The following XIRP2 variants were observed in gnomAD, a reference collection of about 807,000 sequenced individuals.
The protein encoded by XIRP2 is xin actin binding repeat containing 2.
XIRP2 carries 236 observed loss-of-function variants against 277.0 expected under a neutral mutation model. The ratio of observed to expected loss-of-function variants is 0.85; its 90% confidence interval spans 0.77 to 0.95. XIRP2 has a LOEUF of 0.95. Among genes scored for constraint, XIRP2 ranks in the 40% least tolerant of loss-of-function variants. XIRP2 has a pLI of 0.00. For synonymous variants in XIRP2, 1,490 were observed against 1,416.5 expected (o/e 1.05, Z -1.17); for missense variants, 4,640 against 4,157.5 (o/e 1.12, Z -3.19).
At chr2:166,928,087 C>T (rs960699653) in intron 2 of XIRP2, among the ~76,000 whole-genome samples, 1 of 152,046 alleles carries the variant, frequency 6.6e-6, no homozygotes, top group African/African-American at 2.4e-5. Flanking sequence ...CAAAGAGTTC[C>T]GTCATTTTAC....
intron 2 of XIRP2, among the ~76,000 whole-genome samples, chr2:166,994,989 A>G (rs1318242633): frequency 1.3e-5 from 2 of 151,456 alleles, no homozygotes; most frequent in Non-Finnish European, 2.9e-5. Context: ...TCAAGTGATT[A>G]TCCTGCCTCA....
chr2:167,127,077 G>C (rs1394844550), intron 2 of XIRP2, among the ~76,000 whole-genome samples: 1 of 152,038 alleles, frequency 6.6e-6, no homozygotes, highest in Non-Finnish European at 1.5e-5. Context: ...TTTTACCTAG[G>C]CTACCTCCTA....
chr2:167,216,750 A>G (rs1694255480), intron 4 of XIRP2, among the ~76,000 whole-genome samples: 1 of 82,598 alleles, frequency 1.2e-5, no homozygotes, highest in Non-Finnish European at 2.0e-5. Context: ...CTAGAACTAG[A>G]AATACCATTT....
chr2:167,100,938 C>A (rs552606662), intron 2 of XIRP2, among the ~76,000 whole-genome samples: 1 of 151,974 alleles, frequency 6.6e-6, no homozygotes. Context: ...TCTTTTTGTC[C>A]GACTTTCTTT....
At chr2:167,087,330 C>A (rs1406686295) in intron 2 of XIRP2, among the ~76,000 whole-genome samples, 4 of 152,158 alleles carry the variant, frequency 2.6e-5, no homozygotes, top group African/African-American at 7.2e-5. Context: ...GCTGGGAGAA[C>A]CACTGCTCTC....
intron 2 of XIRP2, among the ~76,000 whole-genome samples, chr2:166,924,656 T>A (rs775161262): frequency 7.9e-5 from 12 of 152,046 alleles, no homozygotes; most frequent in Non-Finnish European, 1.3e-4. Context: ...TAAGTACTTC[T>A]GCCTCCTAGA....
At chr2:167,257,236 G>C (rs1695681524) in intron 10 of XIRP2, among the ~76,000 whole-genome samples, 2 of 151,856 alleles carry the variant, frequency 1.3e-5, no homozygotes, top group Admixed American at 1.3e-4. Flanking sequence ...TTTGTATTTT[G>C]ATGTTGAGGG....
intron 2 of XIRP2, among the ~76,000 whole-genome samples, chr2:166,987,260 C>T (rs1687031377): frequency 1.3e-5 from 2 of 152,122 alleles, no homozygotes. Flanking sequence ...AGCATGAAGA[C>T]ATTGCCTACA....
chr2:167,216,144 A>G (rs1694241841), intron 4 of XIRP2, among the ~76,000 whole-genome samples: 1 of 117,276 alleles, frequency 8.5e-6, no homozygotes, highest in Admixed American at 9.6e-5. Context: ...AGATGGATTA[A>G]AGATTTAAAC....
chr2:166,917,348 C>G (rs113577599), intron 2 of XIRP2, among the ~76,000 whole-genome samples: 1 of 152,048 alleles, frequency 6.6e-6, no homozygotes, highest in African/African-American at 2.4e-5. Flanking sequence ...TCAAGAATAC[C>G]GCGAGGATGG....
chr2:167,056,074 A>G (rs1301859048), intron 2 of XIRP2, among the ~76,000 whole-genome samples: 2 of 152,162 alleles, frequency 1.3e-5, no homozygotes, highest in African/African-American at 4.8e-5. Context: ...TTTGTTAAAG[A>G]TATATACAAT....
At chr2:167,022,442 AT>A (rs955254292) in intron 2 of XIRP2, among the ~76,000 whole-genome samples, 13 of 152,002 alleles carry the variant, frequency 8.6e-5, no homozygotes, top group East Asian at 5.8e-4. Flanking sequence ...TTATGTATTC[AT>A]TTTTTTAATT....
chr2:166,912,074 C>G (rs1030587666), intron 2 of XIRP2, among the ~76,000 whole-genome samples: 1 of 152,158 alleles, frequency 6.6e-6, no homozygotes, highest in Non-Finnish European at 1.5e-5. Flanking sequence ...GTGAATCTGA[C>G]AATTATGTGT....
intron 2 of XIRP2, among the ~76,000 whole-genome samples, chr2:166,970,634 G>A (rs1273096765): frequency 2.6e-5 from 4 of 151,644 alleles, no homozygotes; most frequent in Admixed American, 2.0e-4. Context: ...TTAGTGAATC[G>A]ATAGGTACCT....
intron 3 of XIRP2, among the ~76,000 whole-genome samples, chr2:167,172,406 A>G (rs1458302611): frequency 6.6e-6 from 1 of 152,184 alleles, no homozygotes; most frequent in East Asian, 1.9e-4. Flanking sequence ...TTATCAGGAG[A>G]CAGGGTTTGA....
intron 3 of XIRP2, among the ~76,000 whole-genome samples, chr2:167,138,471 G>A (rs1669734480): frequency 6.6e-6 from 1 of 152,082 alleles, no homozygotes; most frequent in African/African-American, 2.4e-5. Flanking sequence ...CCCAGTTTGT[G>A]GACAATTGCT....
intron 3 of XIRP2, among the ~76,000 whole-genome samples, chr2:167,175,745 C>T (rs542561429): frequency 6.6e-6 from 1 of 152,278 alleles, no homozygotes; most frequent in Admixed American, 6.5e-5. Context: ...CACAGCTGCC[C>T]CTTCCCCCAG....
At chr2:166,914,286 T>G (rs1684798745) in intron 2 of XIRP2, among the ~76,000 whole-genome samples, 1 of 152,170 alleles carries the variant, frequency 6.6e-6, no homozygotes, top group South Asian at 2.1e-4. Flanking sequence ...GTGAAATTTA[T>G]TTCTGAATTT....
At chr2:167,256,399 T>C (rs1326513426) in intron 10 of XIRP2, among the ~76,000 whole-genome samples, 1 of 151,786 alleles carries the variant, frequency 6.6e-6, no homozygotes, top group Non-Finnish European at 1.5e-5. Flanking sequence ...GTATTTCTTT[T>C]AGTTTAGTTT....
Sources: gnomAD v4.1 joint callset for allele counts (sites outside exome capture counted in the v4.1 genomes callset) on GRCh38, gnomAD v4.1.1 for gene constraint, MANE v1.5 for transcripts, NCBI Gene and HGNC (gene_info 2026-07-23, HGNC 2026-07-21) for gene names.